Variants in SEMA4F observed in about 807,000 individuals in gnomAD.
SEMA4F encodes the protein semaphorin-4F.
In SEMA4F, 51 loss-of-function variants were observed where a neutral mutation model predicts 78.4. The ratio of observed to expected loss-of-function variants is 0.65; its 90% CI spans 0.52 to 0.82. The LOEUF is 0.82. SEMA4F is among the 40% of genes least tolerant of loss of function. The probability of loss-of-function intolerance (pLI) is 0.00; values close to 1 mark genes in which losing one functional copy is unlikely to be tolerated. For missense variants in SEMA4F, 938 were observed against 1,014.4 expected, an observed-to-expected ratio of 0.92 and a Z score of 1.02; for synonymous variants, 418 against 408.7, an observed-to-expected ratio of 1.02 and a Z score of -0.27.
intron 4 of SEMA4F, among the ~76,000 whole-genome samples, chr2:74,662,029 T>C (rs1684453495): frequency 6.6e-6 from 1 of 152,206 alleles, no homozygotes; most frequent in African/African-American, 2.4e-5. Context: ...TGGCTGGCCC[T>C]GATGAAGCTC....
rs749785769 is a variant in SEMA4F, at chr2:74,679,336, T to A, written c.1702+2T>A. 3.7e-6 allele frequency: 6 copies of A among 1,607,096 alleles called. No homozygotes were observed. In the South Asian group the frequency reaches 6.6e-5, roughly 18 times the overall value. ...CTTTGTGTCCTAAAGAGCCTGGAGG[T>A]CTGTATGGTCTGTATGGATTAGGGA... is the stretch of plus-strand genomic sequence containing the variant. On this transcript the variant is annotated splice_donor_variant, in intron 13 of 13. Transcript: ENST00000357877. LOFTEE classifies it high-confidence loss of function.
At chr2:74,676,980 C>A (rs1685326018) in intron 12 of SEMA4F, among the ~76,000 whole-genome samples, 1 of 152,166 alleles carries the variant, frequency 6.6e-6, no homozygotes, top group Non-Finnish European at 1.5e-5. Context: ...CGGCTCACTG[C>A]AACCTCTGCC....
chr2:74,700,361 G>C, the SEMA4F span, among the ~76,000 whole-genome samples: 1 of 152,098 alleles, frequency 6.6e-6, no homozygotes, highest in East Asian at 1.9e-4. Flanking sequence ...TGTGGGAATA[G>C]GTTCCCCTGC....
chr2:74,694,276 C>T, the SEMA4F span, among the ~76,000 whole-genome samples: 1 of 152,024 alleles, frequency 6.6e-6, no homozygotes, highest in East Asian at 1.9e-4. Flanking sequence ...TTTTCCAGCA[C>T]ATGATGGAAG....
chr2:74,680,056 T>G lies in SEMA4F; in HGVS notation c.2160T>G (p.Ser720=). The G allele has an allele frequency of 6.2e-7, 1 of 1,614,072 alleles. No homozygotes were observed. The highest frequency in any genetic ancestry group is 8.5e-7 in the Non-Finnish European group (1 of 1,179,954). Residue 720 remains serine (S), a synonymous_variant, in exon 14 of 14, where the codon TCT becomes TCG. Coordinates refer to ENST00000357877, the MANE Select transcript of SEMA4F (RefSeq NM_004263.5). ...ACAGCCAAGACCCTCCCTCCCCCTC[T>G]CCTGAAGATGAGCGGTTGCCGCTGG... The part of the protein sequence containing the change: ...TSYSQDPPSP[S]PEDERLPLAL...
chr2:74,693,266 T>G, the SEMA4F span, among the ~76,000 whole-genome samples: 1 of 152,262 alleles, frequency 6.6e-6, no homozygotes, highest in Non-Finnish European at 1.5e-5. Context: ...TTCCATTGAT[T>G]AACATCACAT....
At chr2:74,689,435 G>A in the SEMA4F span, among the ~76,000 whole-genome samples, 2 of 152,200 alleles carry the variant, frequency 1.3e-5, no homozygotes, top group African/African-American at 4.8e-5. Context: ...TCTATGGAGG[G>A]CATTCTGGTA....
chr2:74,654,606 C>T, intron 1 of SEMA4F, 85 bp downstream of exon 1: 1 of 1,239,910 alleles, frequency 8.1e-7, no homozygotes, highest in Non-Finnish European at 1.1e-6. Flanking sequence ...CTCGGCCGGA[C>T]CCGGGCCTCT....
the SEMA4F span, among the ~76,000 whole-genome samples, chr2:74,704,683 C>T: frequency 2.0e-5 from 3 of 152,070 alleles, no homozygotes; most frequent in African/African-American, 7.2e-5. Flanking sequence ...TGTAACTTGC[C>T]TACCAATGCG....
chr2:74,655,803 C>T (rs941410968), intron 1 of SEMA4F, among the ~76,000 whole-genome samples: 7 of 151,828 alleles, frequency 4.6e-5, no homozygotes, highest in South Asian at 2.1e-4. Flanking sequence ...AAGGAGTGGG[C>T]GGGACTCATC....
the SEMA4F span, among the ~76,000 whole-genome samples, chr2:74,701,390 A>C: frequency 1.3e-5 from 2 of 152,162 alleles, no homozygotes; most frequent in African/African-American, 2.4e-5. Flanking sequence ...CCAGTCCTGA[A>C]TCAGCCCTAC....
At chr2:74,688,506 TAAAA>T (rs1685862832), downstream of SEMA4F, among the ~76,000 whole-genome samples, 1 of 152,090 alleles carries the variant, frequency 6.6e-6, no homozygotes. Flanking sequence ...GAAATGAAAA[TAAAA>T]GAAACAGGAA....
At chr2:74,659,301 T>C (rs767970857) in intron 4 of SEMA4F, among the ~76,000 whole-genome samples, 9 of 152,236 alleles carry the variant, frequency 5.9e-5, no homozygotes, top group Non-Finnish European at 8.8e-5. Flanking sequence ...CCCAGAGCCA[T>C]GGCTTATAGA....
At chr2:74,661,048 G>A (rs1684402173) in intron 4 of SEMA4F, among the ~76,000 whole-genome samples, 2 of 152,196 alleles carry the variant, frequency 1.3e-5, no homozygotes, top group South Asian at 4.1e-4. Context: ...GATTCCAGAA[G>A]GGCAGAGTTT....
the SEMA4F span, among the ~76,000 whole-genome samples, chr2:74,701,914 A>G: frequency 5.3e-5 from 8 of 152,184 alleles, no homozygotes; most frequent in South Asian, 2.1e-4. Flanking sequence ...CCAGAGGTCA[A>G]CCATTCCAGC....
Position 74,681,471 on chromosome 2 carries a change from G to C in SEMA4F, c.*1262G>C, listed in dbSNP as rs1294527750. 2 of 152,688 alleles carry C rather than the reference G, an allele frequency of 1.3e-5. No individual in the cohort carries two copies. The highest frequency in any genetic ancestry group is 2.4e-5 in the African/African-American group (1 of 41,442). 9.5% of individuals were successfully genotyped at this position (152,688 alleles called of 1,614,324 possible). ...GCTCTCCCTGGACTTGCCCTGCCTG[G>C]AACAGGGTGATTTGCTGGAATGGAG... On this transcript the variant is annotated 3_prime_UTR_variant, in exon 14 of 14. Transcript: ENST00000357877.
downstream of SEMA4F, among the ~76,000 whole-genome samples, chr2:74,686,244 C>G (rs1204113341): frequency 6.6e-6 from 1 of 152,036 alleles, no homozygotes; most frequent in East Asian, 1.9e-4. Flanking sequence ...GGACTACAGG[C>G]GCCTACCACC....
intron 5 of SEMA4F, among the ~76,000 whole-genome samples, chr2:74,666,913 G>A (rs1004970040): frequency 2.6e-5 from 4 of 152,116 alleles, no homozygotes; most frequent in African/African-American, 9.7e-5. Context: ...TTGAGAAAAT[G>A]TAGAAATATA....
the SEMA4F span, among the ~76,000 whole-genome samples, chr2:74,690,208 A>C: frequency 6.6e-6 from 1 of 152,162 alleles, no homozygotes; most frequent in Non-Finnish European, 1.5e-5. Flanking sequence ...GTTCCCAGTG[A>C]TCTTTGGCTG....
Sources: gnomAD v4.1 joint callset for allele counts (sites outside exome capture counted in the v4.1 genomes callset) on GRCh38, gnomAD v4.1.1 for gene constraint, MANE v1.5 for transcripts, NCBI Gene and HGNC (gene_info 2026-07-23, HGNC 2026-07-21) for gene names.